FARP1: variants seen among roughly 807,000 people sequenced by gnomAD.
FARP1 encodes FERM, ARHGEF and pleckstrin domain-containing protein 1.
FARP1 carries 52 observed loss-of-function variants against 128.8 expected under a neutral mutation model. The observed-to-expected ratio is 0.40, with a 90% CI of 0.32 to 0.51. The LOEUF (loss-of-function observed/expected upper bound fraction) is 0.51, where lower values mean the gene tolerates loss of function less well. FARP1 is among the 20% of genes least tolerant of loss of function. The pLI, the probability that FARP1 is intolerant of heterozygous loss-of-function variation, is 0.45. For missense variants in FARP1, 1,333 were observed against 1,367.9 expected (o/e 0.97, Z 0.40); for synonymous variants, 580 against 551.8 (o/e 1.05, Z -0.72).
chr13:98,165,214 C>CAAAAAAAAAAAAAAAAAAAAAAAAAA, intron 1 of FARP1, among the ~76,000 whole-genome samples: 1 of 84,766 alleles, frequency 1.2e-5, no homozygotes, highest in Non-Finnish European at 2.2e-5. Flanking sequence ...GACTCTGTCT[C>CAAAAAAAAAAAAAAAAAAAAAAAAAA]AAAAAAAAAA....
intron 1 of FARP1, among the ~76,000 whole-genome samples, chr13:98,168,396 A>T (rs1463145892): frequency 6.6e-6 from 1 of 151,906 alleles, no homozygotes; most frequent in African/African-American, 2.4e-5. Context: ...TAATTCTGAA[A>T]CTCTCACCTG....
intron 2 of FARP1, among the ~76,000 whole-genome samples, chr13:98,279,737 T>G (rs957232567): frequency 2.6e-5 from 4 of 152,098 alleles, no homozygotes; most frequent in African/African-American, 9.7e-5. Context: ...TATACCCTGG[T>G]AGGTGGGTTG....
intron 1 of FARP1, among the ~76,000 whole-genome samples, chr13:98,159,819 G>A (rs1876750925): frequency 6.6e-6 from 1 of 152,136 alleles, no homozygotes. Context: ...TCTTAATTAT[G>A]GAGTATTTGG....
At chr13:98,190,263 A>AC (rs749138810) in intron 1 of FARP1, among the ~76,000 whole-genome samples, 11 of 152,124 alleles carry the variant, frequency 7.2e-5, no homozygotes, top group Non-Finnish European at 1.0e-4. Context: ...TATGGTGCAA[A>AC]CCTTTTACAA....
At chr13:98,389,912 T>C in intron 9 of FARP1, 45 bp from the exon 10 acceptor site, 1 of 1,594,686 alleles carries the variant, frequency 6.3e-7, no homozygotes, top group East Asian at 2.2e-5. Flanking sequence ...CAGTGGTGTA[T>C]CTATGGGTAA....
At chr13:98,343,903 C>T (rs373194206) in intron 3 of FARP1, 37 bp downstream of exon 3, 13 of 1,363,150 alleles carry the variant, frequency 9.5e-6, no homozygotes, top group Non-Finnish European at 1.4e-5. Flanking sequence ...ATTTTACTGT[C>T]TGTTCATCTT....
chr13:98,261,461 G>C (rs1234899519), intron 2 of FARP1, among the ~76,000 whole-genome samples: 1 of 151,824 alleles, frequency 6.6e-6, no homozygotes, highest in Admixed American at 6.6e-5. Context: ...TCGTTGACCA[G>C]ATCACATTCC....
At chr13:98,299,970 C>T (rs184217305) in intron 2 of FARP1, among the ~76,000 whole-genome samples, 1 of 152,326 alleles carries the variant, frequency 6.6e-6, no homozygotes, top group East Asian at 1.9e-4. Flanking sequence ...GACTGAAATG[C>T]TACAGGAGCA....
At chr13:98,174,218 T>G (rs117877469) in intron 1 of FARP1, among the ~76,000 whole-genome samples, 1 of 152,366 alleles carries the variant, frequency 6.6e-6, no homozygotes, top group East Asian at 1.9e-4. Context: ...AATGATTGAT[T>G]ATGAACCTTA....
intron 1 of FARP1, among the ~76,000 whole-genome samples, chr13:98,206,856 G>A (rs1385043955): frequency 6.6e-6 from 1 of 152,136 alleles, no homozygotes. Context: ...TAGTAATAAG[G>A]TATCACAAGG....
intron 1 of FARP1, among the ~76,000 whole-genome samples, chr13:98,175,051 C>T (rs1202470005): frequency 6.6e-6 from 1 of 152,192 alleles, no homozygotes; most frequent in East Asian, 1.9e-4. Context: ...CAGTTGCTTG[C>T]ATAGCCGACT....
At chr13:98,367,617 C>T (rs1252137473) in intron 4 of FARP1, among the ~76,000 whole-genome samples, 5 of 151,916 alleles carry the variant, frequency 3.3e-5, no homozygotes, top group African/African-American at 9.7e-5. Context: ...TGATAAAGGC[C>T]TTGGCTGGCT....
chr13:98,420,518 G>C (rs534957810), intron 16 of FARP1, among the ~76,000 whole-genome samples: 1 of 152,212 alleles, frequency 6.6e-6, no homozygotes, highest in African/African-American at 2.4e-5. Flanking sequence ...AATTCATGAC[G>C]TGTGTGGGTG....
chr13:98,243,696 C>CAAAAAAAAAAAA, intron 2 of FARP1, among the ~76,000 whole-genome samples: 1 of 64,916 alleles, frequency 1.5e-5, no homozygotes, highest in Non-Finnish European at 3.1e-5. Context: ...GACTCCATCT[C>CAAAAAAAAAAAA]AAAAAAAAAA....
At chr13:98,247,116 C>T (rs1883109145) in intron 2 of FARP1, among the ~76,000 whole-genome samples, 1 of 152,190 alleles carries the variant, frequency 6.6e-6, no homozygotes, top group South Asian at 2.1e-4. Context: ...AACCCGCATG[C>T]CTGTAATCCC....
At chr13:98,355,318 C>T (rs573604351) in intron 3 of FARP1, among the ~76,000 whole-genome samples, 15 of 152,154 alleles carry the variant, frequency 9.9e-5, no homozygotes, top group Non-Finnish European at 2.1e-4. Flanking sequence ...TGTACTCCAG[C>T]CTGGGTGACA....
At chr13:98,218,344 G>A (rs1011365766) in intron 2 of FARP1, among the ~76,000 whole-genome samples, 24 of 152,114 alleles carry the variant, frequency 1.6e-4, no homozygotes, top group African/African-American at 5.1e-4. Context: ...CTTGCCCCTC[G>A]CACTCATTAT....
chr13:98,318,282 C>T (rs1886830270), intron 2 of FARP1, among the ~76,000 whole-genome samples: 1 of 151,896 alleles, frequency 6.6e-6, no homozygotes. Flanking sequence ...TGGTCTCAAA[C>T]TCCTGAGCTT....
intron 2 of FARP1, among the ~76,000 whole-genome samples, chr13:98,238,409 A>G (rs1260411715): frequency 6.6e-6 from 1 of 152,212 alleles, no homozygotes; most frequent in East Asian, 1.9e-4. Flanking sequence ...GTAATAATAC[A>G]CATACAAATT....
Sources: allele counts gnomAD v4.1 joint callset (sites outside exome capture counted in the v4.1 genomes callset), GRCh38; gene constraint gnomAD v4.1.1; transcripts MANE v1.5; gene names NCBI Gene and HGNC (gene_info 2026-07-23, HGNC 2026-07-21).